FSTL5: variants seen among roughly 807,000 people sequenced by gnomAD.
FSTL5 encodes follistatin like 5.
A neutral mutation model predicts 89.1 loss-of-function variants in FSTL5; 62 were observed. That is an observed-to-expected ratio of 0.70 (90% CI 0.57 to 0.86). FSTL5 has a LOEUF of 0.86. FSTL5 is among the 40% of genes least tolerant of loss of function. The pLI is 0.00. For missense variants in FSTL5, 1,057 were observed against 1,001.6 expected (o/e 1.06, Z -0.75); for synonymous variants, 383 against 346.2 (o/e 1.11, Z -1.18).
At chr4:162,162,848 C>T (rs1298459123) in intron 1 of FSTL5, among the ~76,000 whole-genome samples, 1 of 152,204 alleles carries the variant, frequency 6.6e-6, no homozygotes, top group East Asian at 1.9e-4. Context: ...GCACAAGCGA[C>T]TATAATACAA....
chr4:161,935,300 T>G (rs1010303150), intron 3 of FSTL5, among the ~76,000 whole-genome samples: 7 of 152,152 alleles, frequency 4.6e-5, no homozygotes, highest in Non-Finnish European at 7.4e-5. Flanking sequence ...AGGATATTTA[T>G]TACCAACTTA....
intron 7 of FSTL5, among the ~76,000 whole-genome samples, chr4:161,655,011 T>G (rs1736466819): frequency 6.6e-6 from 1 of 152,146 alleles, no homozygotes; most frequent in African/African-American, 2.4e-5. Flanking sequence ...TTTCTAAAAA[T>G]GAGCCTGAGT....
intron 1 of FSTL5, among the ~76,000 whole-genome samples, chr4:162,116,975 GC>G (rs1390615502): frequency 1.3e-5 from 2 of 152,090 alleles, no homozygotes; most frequent in African/African-American, 4.8e-5. Flanking sequence ...TCACACTGTG[GC>G]TATTGCTTTT....
intron 12 of FSTL5, among the ~76,000 whole-genome samples, chr4:161,488,563 G>A (rs1351158942): frequency 1.3e-5 from 2 of 152,046 alleles, no homozygotes; most frequent in Non-Finnish European, 2.9e-5. Context: ...TAGTGTCCAA[G>A]GGTGCACTTA....
chr4:161,993,308 G>T (rs956093580), intron 3 of FSTL5, among the ~76,000 whole-genome samples: 1 of 151,712 alleles, frequency 6.6e-6, no homozygotes, highest in African/African-American at 2.4e-5. Context: ...ACTGAATAAT[G>T]ACAAGATCAA....
chr4:161,497,745 G>T (rs541338274), intron 12 of FSTL5, among the ~76,000 whole-genome samples: 53 of 151,896 alleles, frequency 3.5e-4, no homozygotes, highest in African/African-American at 1.3e-3. Flanking sequence ...ATTTCCAGGG[G>T]CTGTGACTTT....
intron 6 of FSTL5, among the ~76,000 whole-genome samples, chr4:161,754,020 C>A (rs1046308432): frequency 3.6e-5 from 4 of 112,212 alleles, no homozygotes; most frequent in Non-Finnish European, 6.6e-5. Flanking sequence ...CCAGCCTGGG[C>A]GACAGAGCAA....
intron 11 of FSTL5, among the ~76,000 whole-genome samples, chr4:161,507,804 T>C: frequency 6.6e-6 from 1 of 151,876 alleles, no homozygotes; most frequent in East Asian, 1.9e-4. Context: ...AAAAAAATAA[T>C]TTTGTAATTA....
chr4:161,980,178 A>C (rs1283103301), intron 3 of FSTL5, among the ~76,000 whole-genome samples: 2 of 151,096 alleles, frequency 1.3e-5, no homozygotes, highest in Non-Finnish European at 3.0e-5. Context: ...AAAAAGAAAG[A>C]GAGGAGGAGA....
chr4:161,553,013 C>A (rs1226964997), intron 8 of FSTL5, among the ~76,000 whole-genome samples: 1 of 151,480 alleles, frequency 6.6e-6, no homozygotes, highest in Non-Finnish European at 1.5e-5. Flanking sequence ...ATAAAGACTA[C>A]CAAAGTGTTG....
At chr4:161,612,554 T>G (rs1046424742) in intron 7 of FSTL5, among the ~76,000 whole-genome samples, 5 of 152,208 alleles carry the variant, frequency 3.3e-5, no homozygotes, top group African/African-American at 1.2e-4. Context: ...CACATTAAAA[T>G]AGACTTGTGA....
chr4:162,027,090 C>T (rs1737323347), intron 3 of FSTL5, among the ~76,000 whole-genome samples: 1 of 152,060 alleles, frequency 6.6e-6, no homozygotes, highest in Admixed American at 6.6e-5. Flanking sequence ...TGACCAGTTA[C>T]TTTTTGAAAA....
intron 7 of FSTL5, among the ~76,000 whole-genome samples, chr4:161,592,998 A>G (rs1733881480): frequency 6.6e-6 from 1 of 152,070 alleles, no homozygotes; most frequent in African/African-American, 2.4e-5. Flanking sequence ...TTTTTCCCAT[A>G]TATTTGCTCT....
At chr4:161,546,641 G>A (rs376367272) in intron 8 of FSTL5, among the ~76,000 whole-genome samples, 7 of 151,856 alleles carry the variant, frequency 4.6e-5, no homozygotes, top group Admixed American at 3.9e-4. Context: ...TTCTGGAAAC[G>A]CAAGCATCTA....
chr4:161,427,816 A>T (rs186265455), intron 15 of FSTL5, among the ~76,000 whole-genome samples: 1 of 152,326 alleles, frequency 6.6e-6, no homozygotes, highest in East Asian at 1.9e-4. Flanking sequence ...GTTGAGGAGG[A>T]AGAGTGAGAT....
intron 6 of FSTL5, among the ~76,000 whole-genome samples, chr4:161,684,850 T>A (rs1399324656): frequency 6.6e-6 from 1 of 152,180 alleles, no homozygotes; most frequent in African/African-American, 2.4e-5. Context: ...CTAGAAGGGT[T>A]TTTCCAATGT....
At chr4:161,726,227 C>CTT (rs5863477) in intron 6 of FSTL5, among the ~76,000 whole-genome samples, 19,799 of 113,444 alleles carry the variant, frequency 0.17, 2,474 homozygotes, top group African/African-American at 0.27. Context: ...TTTTCTTTTT[C>CTT]TTTTTTTTTT....
At chr4:161,674,695 G>A (rs115148280) in intron 6 of FSTL5, among the ~76,000 whole-genome samples, 2,313 of 152,246 alleles carry the variant, frequency 0.015, 67 homozygotes, top group South Asian at 0.13. Context: ...TAAGAGGTAC[G>A]TAGTGACCAT....
intron 4 of FSTL5, among the ~76,000 whole-genome samples, chr4:161,782,046 T>TC (rs1342238352): frequency 1.3e-5 from 2 of 152,140 alleles, no homozygotes; most frequent in African/African-American, 4.8e-5. Context: ...AATGTATGTT[T>TC]CCAGCATGTC....
Sources: allele counts gnomAD v4.1 joint callset (sites outside exome capture counted in the v4.1 genomes callset), GRCh38; gene constraint gnomAD v4.1.1; transcripts MANE v1.5; gene names NCBI Gene and HGNC (gene_info 2026-07-23, HGNC 2026-07-21).